IL23R: variants seen among roughly 807,000 people sequenced by gnomAD.
IL23R encodes interleukin 23 receptor.
IL23R carries 34 observed loss-of-function variants against 56.9 expected under a neutral mutation model. The ratio of observed to expected loss-of-function variants is 0.60; its 90% CI spans 0.45 to 0.80. The LOEUF is 0.80. Among genes scored for constraint, IL23R ranks in the 30% least tolerant of loss-of-function variants. The pLI is 0.00. For synonymous variants in IL23R, 230 were observed against 249.2 expected (o/e 0.92, Z 0.73); for missense variants, 635 against 730.0 (o/e 0.87, Z 1.50).
intron 9 of IL23R, among the ~76,000 whole-genome samples, chr1:67,241,966 G>A (rs1041920380): frequency 6.6e-6 from 1 of 152,156 alleles, no homozygotes; most frequent in African/African-American, 2.4e-5. Flanking sequence ...GCCAGCAGCT[G>A]TTTAGCCAAT....
At chr1:67,171,978 C>T (rs17129690) in intron 3 of IL23R, among the ~76,000 whole-genome samples, 3,187 of 152,202 alleles carry the variant, frequency 0.021, 100 homozygotes, top group African/African-American at 0.073. Context: ...CATTCTCTGC[C>T]GATGGCTGCT....
chr1:67,199,886 C>T (rs995541616), intron 4 of IL23R, among the ~76,000 whole-genome samples: 6 of 151,900 alleles, frequency 3.9e-5, no homozygotes, highest in South Asian at 2.1e-4. Context: ...AAAAAGTTAG[C>T]GTTTTTGTCC....
chr1:67,206,001 C>T (rs550358911), intron 5 of IL23R, among the ~76,000 whole-genome samples: 2 of 143,604 alleles, frequency 1.4e-5, no homozygotes, highest in African/African-American at 5.2e-5. Context: ...TTCTCTTTTC[C>T]TTCCTCCTTT....
intron 5 of IL23R, among the ~76,000 whole-genome samples, chr1:67,203,583 C>T (rs1648787716): frequency 1.3e-5 from 2 of 152,204 alleles, no homozygotes; most frequent in South Asian, 2.1e-4. Flanking sequence ...TACTCAGAAA[C>T]TCAGGTTGAA....
chr1:67,166,738 T>C (rs1479718368), intron 1 of IL23R, among the ~76,000 whole-genome samples, 197 bp downstream of exon 1: 2 of 152,230 alleles, frequency 1.3e-5, no homozygotes, highest in Non-Finnish European at 2.9e-5. Context: ...AGTTAACTTC[T>C]AACTAGGAAC....
At chr1:67,247,741 G>C (rs1462778402) in intron 9 of IL23R, among the ~76,000 whole-genome samples, 2 of 152,160 alleles carry the variant, frequency 1.3e-5, no homozygotes, top group Admixed American at 6.5e-5. Context: ...GTATGTTTTT[G>C]CAGTGGCTGG....
chr1:67,264,530 T>A (rs1183711697), downstream of IL23R, among the ~76,000 whole-genome samples: 1 of 152,196 alleles, frequency 6.6e-6, no homozygotes, highest in East Asian at 1.9e-4. Context: ...ATGAAAACAA[T>A]ATAACATAAT....
At chr1:67,187,931 A>G (rs1397592673) in intron 4 of IL23R, among the ~76,000 whole-genome samples, 5 of 152,158 alleles carry the variant, frequency 3.3e-5, no homozygotes, top group Non-Finnish European at 5.9e-5. Flanking sequence ...CAGGGCATGT[A>G]ATCCCAGCTA....
chr1:67,247,242 T>C (rs1459688785), intron 9 of IL23R, among the ~76,000 whole-genome samples: 1 of 152,084 alleles, frequency 6.6e-6, no homozygotes, highest in African/African-American at 2.4e-5. Context: ...GCACTACTGA[T>C]GGGTCTTATT....
chr1:67,253,758 TA>T (rs1042578004), intron 9 of IL23R, among the ~76,000 whole-genome samples: 9 of 152,232 alleles, frequency 5.9e-5, no homozygotes, highest in African/African-American at 1.7e-4. Flanking sequence ...TAATACCCCA[TA>T]AAAAAATCAA....
chr1:67,147,488 C>T (rs568705004), intron 1 of IL23R, among the ~76,000 whole-genome samples: 2 of 152,184 alleles, frequency 1.3e-5, no homozygotes, highest in Admixed American at 6.5e-5. Flanking sequence ...CACCTGAGGT[C>T]GGGAGTTCGA....
intron 10 of IL23R, among the ~76,000 whole-genome samples, chr1:67,257,943 A>G (rs1254164228): frequency 1.3e-5 from 2 of 152,006 alleles, no homozygotes; most frequent in Non-Finnish European, 2.9e-5. Flanking sequence ...ATCTCAAGTG[A>G]TCTGCCTGCC....
At chr1:67,155,066 T>C (rs1480962321) in intron 1 of IL23R, among the ~76,000 whole-genome samples, 2 of 152,194 alleles carry the variant, frequency 1.3e-5, no homozygotes, top group Non-Finnish European at 1.5e-5. Context: ...TTTGGCTGGA[T>C]ATGAAATTCT....
At chr1:67,204,551 A>C (rs1019205921) in intron 5 of IL23R, among the ~76,000 whole-genome samples, 1 of 152,184 alleles carries the variant, frequency 6.6e-6, no homozygotes, top group African/African-American at 2.4e-5. Context: ...ATTTCTCATA[A>C]GACTAAACAG....
upstream of IL23R, among the ~76,000 whole-genome samples, chr1:67,165,740 T>G (rs11465753): frequency 6.6e-6 from 1 of 151,846 alleles, no homozygotes; most frequent in Non-Finnish European, 1.5e-5. Context: ...GTGATCTCAC[T>G]TATATGCAGA....
At position 67,228,201 on chromosome 1, in the gene IL23R, C is replaced by CCTTCCTTCCT. The variant is rs1650861398; in HGVS notation, c.955+8472_955+8473insTTCCTTCCTC. Among the ~76,000 whole-genome samples, 5 of 76,302 alleles carry CCTTCCTTCCT rather than the reference C, an allele frequency of 6.6e-5. 1 individual carries two copies. The highest frequency in any genetic ancestry group is 1.4e-4 in the Non-Finnish European group (5 of 36,240). 50.1% of individuals were successfully genotyped at this position (76,302 alleles called of 152,430 possible). A position where few individuals can be genotyped will look rare whatever the true frequency, so the allele number is the denominator to read the frequency against. On this transcript the variant is annotated intron_variant, in intron 7 of 10. Transcript: ENST00000347310. ...TTCCTTCCTTCCTTCCTTCCTTCCT[C>CCTTCCTTCCT]CCTTCTTTTTTAGACAGGGTCTCTC...
chr1:67,151,545 A>G (rs1646728332), intron 1 of IL23R, among the ~76,000 whole-genome samples: 1 of 152,130 alleles, frequency 6.6e-6, no homozygotes, highest in South Asian at 2.1e-4. Context: ...CCTGAATGGT[A>G]TTGCCTAGGT....
At chr1:67,185,239 C>T (rs1473780365) in intron 4 of IL23R, among the ~76,000 whole-genome samples, 3 of 152,118 alleles carry the variant, frequency 2.0e-5, no homozygotes, top group Non-Finnish European at 2.9e-5. Flanking sequence ...CAGGACCACA[C>T]AGCTGCAGAG....
At chr1:67,227,766 T>A (rs1001109860) in intron 7 of IL23R, among the ~76,000 whole-genome samples, 1 of 152,258 alleles carries the variant, frequency 6.6e-6, no homozygotes. Context: ...TACTAACCCA[T>A]GTTAAACAGA....
Sources: gnomAD v4.1 joint callset for allele counts (sites outside exome capture counted in the v4.1 genomes callset) on GRCh38, gnomAD v4.1.1 for gene constraint, MANE v1.5 for transcripts, NCBI Gene and HGNC (gene_info 2026-07-23, HGNC 2026-07-21) for gene names.